NBEAL2: variants seen among roughly 807,000 people sequenced by gnomAD.
NBEAL2 encodes neurobeachin like 2.
In NBEAL2, 160 loss-of-function variants were observed where a neutral mutation model predicts 299.8. The ratio of observed to expected loss-of-function variants is 0.53; its 90% CI spans 0.47 to 0.61. The LOEUF is 0.61. NBEAL2 is among the 20% of genes least tolerant of loss of function. The pLI, the probability that NBEAL2 is intolerant of heterozygous loss-of-function variation, is 0.00. For synonymous variants in NBEAL2, 1,493 were observed against 1,542.3 expected, an observed-to-expected ratio of 0.97 and a Z score of 0.75; for missense variants, 3,112 against 3,649.0, an observed-to-expected ratio of 0.85 and a Z score of 3.79.
At chr3:46,984,598 T>A (rs1275503048) in intron 1 of NBEAL2, among the ~76,000 whole-genome samples, 2 of 152,232 alleles carry the variant, frequency 1.3e-5, no homozygotes, top group Non-Finnish European at 2.9e-5. Flanking sequence ...CCCGTCCTGA[T>A]ACTGAATGGG....
At position 47,004,341 on chromosome 3, in the gene NBEAL2, A is replaced by G. The variant is rs1335313242; in HGVS notation, c.6146A>G (p.Tyr2049Cys). 2.5e-6 allele frequency: 4 copies of G among 1,607,380 alleles called. No individual in the cohort carries two copies. The highest frequency in any genetic ancestry group is 2.7e-5 in the African/African-American group (2 of 74,842). ...LLRLRPPSQGYLSSRSPQEML... is the reference protein window; with the variant it reads ...LLRLRPPSQGCLSSRSPQEML... ...CGCCTACGGCCCCCCTCTCAAGGCT[A>G]CCTAAGCAGCCGCTCCCCCCAGGAG... is the stretch of plus-strand genomic sequence containing the variant. Residue 2049 changes from tyrosine to cysteine, a missense_variant, in exon 37 of 54, where the codon TAC becomes TGC. By Grantham distance (194) the Tyr-to-Cys change is radical. Transcript: ENST00000450053. The surrounding 1 kb of genome is among the most constrained non-coding windows in gnomAD (Gnocchi z 5.0).
Position 46,999,657 on chromosome 3 carries a change from C to G in NBEAL2, c.3731C>G (p.Ala1244Gly). The change falls in exon 26 of 54, where the codon GCT becomes GGT. Residue 1244 changes from alanine (A) to glycine (G), a missense_variant. Transcript: ENST00000450053. ...TGCCTGAACCTCTCAGATCTGCTGG[C>G]TGTGGTACAGCTGTCCCTCCAGGCT... ...ADCLNLSDLL[A>G]VVQLSLQADL... 1 of 1,613,328 alleles carries G rather than the reference C, an allele frequency of 6.2e-7. No homozygotes were observed. The highest frequency in any genetic ancestry group is 1.1e-5 in the South Asian group (1 of 91,056).
Position 46,998,246 on chromosome 3 carries a change from C to T in NBEAL2, c.3118+20C>T, listed in dbSNP as rs1267310108. 6.2e-7 allele frequency: 1 copy of T among 1,604,334 alleles called. No homozygotes were observed. Among genetic ancestry groups the T allele is most frequent in the East Asian group, 2.2e-5 (1 of 44,556 alleles). On this transcript the variant is annotated intron_variant, in intron 21 of 53. Coordinates refer to ENST00000450053, the MANE Select transcript of NBEAL2 (RefSeq NM_015175.3). ...GCCTCGGTAGGTGTGAGGACCTGAGCAAGGGGCCGGCCATAGGGCAGCTGA... is the reference window on the plus strand; with the variant it reads ...GCCTCGGTAGGTGTGAGGACCTGAGTAAGGGGCCGGCCATAGGGCAGCTGA...
Position 47,004,996 on chromosome 3 carries a change from G to C in NBEAL2, c.6319G>C (p.Val2107Leu). 4 of 1,610,494 alleles carry C rather than the reference G, an allele frequency of 2.5e-6. No homozygotes were observed. The highest frequency in any genetic ancestry group is 3.4e-6 in the Non-Finnish European group (4 of 1,178,514). ...PVFPWVLQDY[V>L]SPTLDLSNPA... Reference sequence around the variant, plus strand: ...GTTCCCCTGGGTCCTGCAGGACTACGTGTCCCCAACCCTGGACCTCAGCAA... The same window carrying C: ...GTTCCCCTGGGTCCTGCAGGACTACCTGTCCCCAACCCTGGACCTCAGCAA... Residue 2107 changes from valine (V) to leucine (L), a missense_variant, in exon 39 of 54, where the codon GTG becomes CTG. Transcript: ENST00000450053. The surrounding 1 kb of genome is among the most constrained non-coding windows in gnomAD (Gnocchi z 5.0).
intron 1 of NBEAL2, among the ~76,000 whole-genome samples, chr3:46,981,730 T>C (rs1456217818): frequency 1.3e-5 from 2 of 151,732 alleles, no homozygotes; most frequent in African/African-American, 2.4e-5. Context: ...AGCTGGTGAG[T>C]GTGAGGGATG....
In NBEAL2 at chr3:47,000,036, C is replaced by A. The variant is rs868079831; in HGVS notation, c.3937C>A (p.Pro1313Thr). 4.3e-6 allele frequency: 7 copies of A among 1,613,274 alleles called. No individual in the cohort carries two copies. Among genetic ancestry groups the A allele is most frequent in the Non-Finnish European group, 5.9e-6 (7 of 1,179,838 alleles). The part of the protein sequence containing the change: ...PPSSPESPTS[P>T]KPAPPKPPTE... ...GTCTTCCCCAGAGTCACCTACCTCC[C>A]CCAAGCCAGCCCCACCCAAGCCACC... Residue 1313 changes from proline to threonine, a missense_variant, in exon 27 of 54, where the codon CCC becomes ACC. Around this residue, in one of 3 missense-constraint regions of NBEAL2, gnomAD observed 2,243 missense variants for 2,538.1 expected, o/e 0.88. Coordinates refer to ENST00000450053, the MANE Select transcript of NBEAL2 (RefSeq NM_015175.3). The surrounding 1 kb of genome is among the most constrained non-coding windows in gnomAD (Gnocchi z 4.5).
intron 41 of NBEAL2, 33 bp from the exon 42 acceptor site, chr3:47,005,705 C>T (rs752362698): frequency 1.2e-6 from 2 of 1,612,850 alleles, no homozygotes; most frequent in Admixed American, 1.7e-5. Flanking sequence ...TCGGGATGGA[C>T]AGGGAGACAG....
At position 47,005,647 on chromosome 3, in the gene NBEAL2, G is replaced by A. The variant is rs72909846; in HGVS notation, c.6691+28G>A. On this transcript the variant is annotated intron_variant, in intron 41 of 53. Coordinates refer to ENST00000450053, the MANE Select transcript of NBEAL2 (RefSeq NM_015175.3). ...AGGTGTGAGGTGCTCACACTGGAGC[G>A]GGCAGGTGTAGGGATGGAGAGCAGA... 1.6e-3 allele frequency: 2,546 copies of A among 1,613,222 alleles called. 18 individuals are homozygous for A. In the African/African-American group the frequency reaches 0.023, roughly 15 times the overall value.
intron 47 of NBEAL2, 25 bp from the exon 48 acceptor site, chr3:47,007,500 C>G (rs376974912): frequency 5.0e-6 from 8 of 1,599,814 alleles, no homozygotes; most frequent in Non-Finnish European, 6.8e-6. Context: ...CCTGGCCTCA[C>G]TTGCTATCCC....
In NBEAL2 at chr3:47,003,257, T is replaced by C. The variant is rs1559614172; in HGVS notation, c.5668T>C (p.Leu1890=). ...GGCCAAAGTGAGCACCCCACCCGAG[T>C]TGCTGCAGGAGGACCAGCTCGGCGA... ...KEAKVSTPPE[L]LQEDQLGEDE... is the part of the protein sequence containing the mutation. The change falls in exon 35 of 54, where the codon TTG becomes CTG. Residue 1890 remains leucine, a synonymous_variant. Coordinates refer to ENST00000450053, the MANE Select transcript of NBEAL2 (RefSeq NM_015175.3). The surrounding 1 kb of genome is among the most constrained non-coding windows in gnomAD (Gnocchi z 7.0). 1.9e-6 allele frequency: 3 copies of C among 1,612,936 alleles called. No individual in the cohort carries two copies. The highest frequency in any genetic ancestry group is 2.2e-5 in the East Asian group (1 of 44,854).
chr3:47,007,012 A>G, intron 45 of NBEAL2, 54 bp from the exon 46 acceptor site: 29 of 1,406,794 alleles, frequency 2.1e-5, no homozygotes, highest in Non-Finnish European at 2.6e-5. Context: ...CAGGGAGCAG[A>G]TAGTGTAATC....
rs948953674 is a variant in NBEAL2 at position 47,006,163 on chromosome 3, AG to A, written c.6922del. ...CCCTGACTGCTCTGCCTGCCTTCCC[AG>A]GGGCTGTAGACCTGGACCATGTGAC... On this transcript the variant is annotated splice_acceptor_variant, in intron 43 of 53. Transcript: ENST00000450053. LOFTEE classifies it high-confidence loss of function. 2 of 1,613,822 alleles carry A rather than the reference AG, an allele frequency of 1.2e-6. No homozygotes were observed. The highest frequency in any genetic ancestry group is 1.7e-6 in the Non-Finnish European group (2 of 1,179,854).
rs1349705431 is a variant in NBEAL2 at position 46,997,279 on chromosome 3, G to C, written c.2670G>C (p.Gly890=). Residue 890 remains glycine, a synonymous_variant, in exon 19 of 54, where the codon GGG becomes GGC. Coordinates refer to ENST00000450053, the MANE Select transcript of NBEAL2 (RefSeq NM_015175.3). ...WDVKDVVNCV[G]GMGALLPLLE... ...CCCAGGATGTGGTGAACTGCGTTGG[G>C]GGTATGGGTGCCCTGCTGCCCCTGC... 1 of 1,612,854 alleles carries C rather than the reference G, an allele frequency of 6.2e-7. No homozygotes were observed.
At chr3:46,998,341 G>C in intron 21 of NBEAL2, 115 bp downstream of exon 21, 1 of 1,516,148 alleles carries the variant, frequency 6.6e-7, no homozygotes, top group Non-Finnish European at 9.0e-7. Flanking sequence ...AGAATGCCAT[G>C]GGGCGGCTGA....
rs753137994 is a variant in NBEAL2 at position 47,004,322 on chromosome 3, C to T, written c.6127C>T (p.Arg2043Trp). 17 of 1,610,696 alleles carry T rather than the reference C, an allele frequency of 1.1e-5. No individual in the cohort carries two copies. Among genetic ancestry groups the T allele is most frequent in the Admixed American group, 3.3e-5 (2 of 59,936 alleles). ...NQVYSWLLRL[R>W]PPSQGYLSSR... Reference sequence around the variant, plus strand: ...GGTGTACTCGTGGCTCCTGCGCCTACGGCCCCCCTCTCAAGGCTACCTAAG... The same window carrying T: ...GGTGTACTCGTGGCTCCTGCGCCTATGGCCCCCCTCTCAAGGCTACCTAAG... Residue 2043 changes from arginine (R) to tryptophan (W), a missense_variant, in exon 37 of 54, where the codon CGG becomes TGG. Arg to Trp is a moderately radical substitution (Grantham distance 101). This residue lies in a region of NBEAL2 where 521 missense variants were observed against 729.6 expected (regional missense o/e 0.71). Coordinates refer to ENST00000450053, the MANE Select transcript of NBEAL2 (RefSeq NM_015175.3). The surrounding 1 kb of genome is among the most constrained non-coding windows in gnomAD (Gnocchi z 5.0).
chr3:46,993,572 C>T (rs946682500), intron 10 of NBEAL2, among the ~76,000 whole-genome samples: 2 of 152,186 alleles, frequency 1.3e-5, no homozygotes, highest in South Asian at 2.1e-4. Flanking sequence ...GGGGCACTTG[C>T]TGGCCTGTCT....
In NBEAL2 at chr3:47,001,751, C is replaced by G. The variant is rs770611878; in HGVS notation, c.4707C>G (p.Gly1569=). The change falls in exon 30 of 54, where the codon GGC becomes GGG. Residue 1569 remains glycine, a synonymous_variant. Coordinates refer to ENST00000450053, the MANE Select transcript of NBEAL2 (RefSeq NM_015175.3). This position sits in a 1 kb window ranked among gnomAD's most constrained non-coding sequence, Gnocchi z 6.1. ...GAGCCTGGCCCCACCTGGCCAACGG[C>G]ACAGCTGATCTCCGTGAGATGGCGC... ...RLGAWPHLAN[G]TADLREMAQI... is the part of the protein sequence containing the mutation. 1.2e-6 allele frequency: 2 copies of G among 1,613,940 alleles called. No homozygotes were observed. The highest frequency in any genetic ancestry group is 3.3e-5 in the Admixed American group (2 of 60,030).
At position 47,006,170 on chromosome 3, in the gene NBEAL2, G is replaced by A; in HGVS notation, c.6925G>A (p.Val2309Ile). The A allele has an allele frequency of 1.9e-6, 3 of 1,613,894 alleles. No individual in the cohort carries two copies. Among genetic ancestry groups the A allele is most frequent in the East Asian group, 2.2e-5 (1 of 44,886 alleles). The change falls in exon 44 of 54, where the codon GTA becomes ATA. Residue 2309 changes from valine (V) to isoleucine (I), a missense_variant. By Grantham distance (29) the Val-to-Ile change is conservative. Around this residue, in one of 3 missense-constraint regions of NBEAL2, gnomAD observed 521 missense variants for 729.6 expected, o/e 0.71. Coordinates refer to ENST00000450053, the MANE Select transcript of NBEAL2 (RefSeq NM_015175.3). ...TGCTCTGCCTGCCTTCCCAGGGGCT[G>A]TAGACCTGGACCATGTGACAGATGA... ...VFYYCTYEGAVDLDHVTDERE... is the reference protein window; with the variant it reads ...VFYYCTYEGAIDLDHVTDERE...
Position 47,001,238 on chromosome 3 carries a change from G to A in NBEAL2, c.4485-41G>A. On this transcript the variant is annotated intron_variant, in intron 28 of 53. Coordinates refer to ENST00000450053, the MANE Select transcript of NBEAL2 (RefSeq NM_015175.3). This position sits in a 1 kb window ranked among gnomAD's most constrained non-coding sequence, Gnocchi z 6.1. ...AGGAAGCCTCGGGGGAAGGAGAGAA[G>A]ATAGTCAGGTAGACCCTTGAGTTCC... The A allele has an allele frequency of 1.9e-6, 3 of 1,601,326 alleles. No homozygotes were observed. The highest frequency in any genetic ancestry group is 2.6e-6 in the Non-Finnish European group (3 of 1,171,028).
Sources: gnomAD v4.1 joint callset for allele counts (sites outside exome capture counted in the v4.1 genomes callset) on GRCh38, gnomAD v4.1.1 for gene constraint, gnomAD v4.1.1 regional missense constraint, Gnocchi (gnomAD v3.1) non-coding constraint, MANE v1.5 for transcripts, NCBI Gene and HGNC (gene_info 2026-07-23, HGNC 2026-07-21) for gene names.